The following SRPX variants were observed in gnomAD, a reference collection of about 807,000 sequenced individuals.
SRPX encodes sushi repeat-containing protein SRPX.
SRPX carries 24 observed loss-of-function variants against 38.1 expected under a neutral mutation model. The observed-to-expected ratio is 0.63, with a 90% CI of 0.46 to 0.89. The LOEUF (loss-of-function observed/expected upper bound fraction) is 0.89, where lower values mean the gene tolerates loss of function less well. SRPX is among the 40% of genes least tolerant of loss of function. SRPX has a pLI of 0.00. For missense variants in SRPX, 416 were observed against 377.8 expected, an observed-to-expected ratio of 1.10 and a Z score of -0.84; for synonymous variants, 184 against 153.8, an observed-to-expected ratio of 1.20 and a Z score of -1.45.
At position 38,190,976 on chromosome X, in the gene SRPX, T is replaced by C. The variant is rs189348050; in HGVS notation, c.98-12632A>G. ...GGTAAAATGAGGAAGATGTGAGCCC[T>C]GAAGCTGCCAACGACAAAGATTAAA... On this transcript the variant is annotated intron_variant, in intron 1 of 9. Transcript: ENST00000378533. 2.3e-3 allele frequency among the ~76,000 whole-genome samples: 255 copies of C among 111,673 alleles called. 3 individuals are homozygous for C. Among genetic ancestry groups the C allele is most frequent in the African/African-American group, 8.0e-3 (245 of 30,738 alleles).
At chrX:38,154,312 G>C in intron 9 of SRPX, 150 bp downstream of exon 9, 3 of 639,537 alleles carry the variant, frequency 4.7e-6, no homozygotes, top group Non-Finnish European at 6.9e-6. Context: ...GCAACATACT[G>C]ATTAGTATGG....
intron 9 of SRPX, among the ~76,000 whole-genome samples, chrX:38,153,561 G>T (rs1294113921): frequency 1.8e-5 from 2 of 110,892 alleles, no homozygotes; most frequent in Non-Finnish European, 3.8e-5. Flanking sequence ...CTTCTTTCTG[G>T]CAATACAGAA....
intron 1 of SRPX, among the ~76,000 whole-genome samples, chrX:38,212,965 T>A (rs767880701): frequency 5.3e-5 from 6 of 112,191 alleles, no homozygotes; most frequent in Admixed American, 2.8e-4. Context: ...GGGGCCTCTT[T>A]TTCTAATTCA....
Position 38,178,149 on chromosome X carries a change from AT to A in SRPX, c.157+135del, listed in dbSNP as rs1012330916. ...TTTAAAAAAGGGAGTATATATATAT[AT>A]TTTTTTTTCCTTGATAGATAATTAG... On this transcript the variant is annotated intron_variant, in intron 2 of 9. Transcript: ENST00000378533. 6.0e-4 allele frequency: 220 copies of A among 368,807 alleles called. 1 individual carries two copies. Among genetic ancestry groups the A allele is most frequent in the South Asian group, 2.0e-3 (23 of 11,681 alleles). The allele number at this position is 368,807 out of a possible 1,213,427, so 30.4% of individuals were successfully genotyped here.
intron 1 of SRPX, among the ~76,000 whole-genome samples, chrX:38,186,189 C>T (rs769511783): frequency 9.0e-6 from 1 of 111,651 alleles, no homozygotes; most frequent in South Asian, 3.8e-4. Context: ...TCACTCATTC[C>T]GGGTCAAGTT....
chrX:38,205,932 G>A (rs1380627860), intron 1 of SRPX, among the ~76,000 whole-genome samples: 1 of 112,338 alleles, frequency 8.9e-6, no homozygotes, highest in African/African-American at 3.2e-5. Context: ...AGTGGCCACC[G>A]ACAATTCCTC....
At position 38,160,083 on chromosome X, in the gene SRPX, G is replaced by T; in HGVS notation, c.889C>A (p.Gln297Lys). Residue 297 changes from glutamine (Q) to lysine (K), a missense_variant, in exon 7 of 10, where the codon CAG becomes AAG. Physicochemically the swap from Gln to Lys is moderately conservative, Grantham distance 53. Coordinates refer to ENST00000378533, the MANE Select transcript of SRPX (RefSeq NM_006307.5). The stretch of plus-strand genomic sequence containing the variant: ...TGACATACTCGGGCAGGGCTACCCT[G>T]GAGCTCATAGCCGCCGATGCAGGAG... The part of the protein sequence containing the change: ...EFSCIGGYEL[Q>K]GSPARVCQSN... 1 of 1,211,503 alleles carries T rather than the reference G, an allele frequency of 8.3e-7. No individual in the cohort carries two copies. The highest frequency in any genetic ancestry group is 1.7e-5 in the African/African-American group (1 of 57,885).
At chrX:38,185,898 A>AG (rs1338968723) in intron 1 of SRPX, among the ~76,000 whole-genome samples, 134 of 81,985 alleles carry the variant, frequency 1.6e-3, no homozygotes, top group East Asian at 7.1e-3. Flanking sequence ...AAAAAAAAAA[A>AG]GGGGGGGGGG....
intron 1 of SRPX, among the ~76,000 whole-genome samples, chrX:38,206,164 G>A (rs1423161462): frequency 8.9e-6 from 1 of 112,546 alleles, no homozygotes; most frequent in African/African-American, 3.2e-5. Flanking sequence ...AGGCAACACG[G>A]GGAGATGGAA....
chrX:38,189,196 G>A (rs1035027753), intron 1 of SRPX, among the ~76,000 whole-genome samples: 3 of 111,654 alleles, frequency 2.7e-5, no homozygotes. Context: ...TCTGTAAAAT[G>A]GGACACCAGA....
intron 7 of SRPX, among the ~76,000 whole-genome samples, chrX:38,158,841 G>T (rs1199311279): frequency 9.1e-6 from 1 of 110,318 alleles, no homozygotes; most frequent in East Asian, 2.8e-4. Flanking sequence ...TTAGCCAGGC[G>T]TGGTGGCAGG....
chrX:38,180,865 C>T (rs769059233), intron 1 of SRPX, among the ~76,000 whole-genome samples: 1 of 112,004 alleles, frequency 8.9e-6, no homozygotes, highest in African/African-American at 3.2e-5. Context: ...AAGAAAGAAG[C>T]ATAACCCCCA....
chrX:38,163,242 G>A (rs945891270), intron 5 of SRPX, among the ~76,000 whole-genome samples: 2 of 112,269 alleles, frequency 1.8e-5, no homozygotes, highest in African/African-American at 3.2e-5. Context: ...GGCACTGGGG[G>A]AAGATTATTG....
intron 1 of SRPX, among the ~76,000 whole-genome samples, chrX:38,199,274 C>T (rs969624042): frequency 1.9e-4 from 21 of 111,576 alleles, no homozygotes; most frequent in South Asian, 7.6e-4. Context: ...GGCGTGGTGG[C>T]GGGCGCCTGT....
At chrX:38,161,759 G>A (rs1018388973) in intron 5 of SRPX, among the ~76,000 whole-genome samples, 1 of 111,747 alleles carries the variant, frequency 8.9e-6, no homozygotes, top group African/African-American at 3.3e-5. Context: ...GGCACAAAAA[G>A]GCTAAAGAAC....
intron 2 of SRPX, among the ~76,000 whole-genome samples, chrX:38,176,724 C>T (rs1334732298): frequency 9.0e-6 from 1 of 111,596 alleles, no homozygotes; most frequent in Admixed American, 9.5e-5. Context: ...ACCTGGGAGG[C>T]GGATGTTACA....
intron 1 of SRPX, among the ~76,000 whole-genome samples, chrX:38,183,192 T>C (rs748636701): frequency 1.2e-3 from 132 of 110,223 alleles, no homozygotes; most frequent in African/African-American, 4.0e-3. Flanking sequence ...TAGCTGGGAT[T>C]ACAAGCATGC....
chrX:38,158,979 C>A (rs1490270592), intron 7 of SRPX, among the ~76,000 whole-genome samples: 1 of 109,911 alleles, frequency 9.1e-6, no homozygotes, highest in East Asian at 2.8e-4. Flanking sequence ...GACTACATCT[C>A]AAACAAACAA....
At position 38,160,008 on chromosome X, in the gene SRPX, C is replaced by T. The variant is rs1938211072; in HGVS notation, c.955+9G>A. On this transcript the variant is annotated intron_variant, in intron 7 of 9. Transcript: ENST00000378533. Reference sequence around the variant, plus strand: ...GTTCTGCTGCAGGCTGGAGGGGCGGCATACCTACCTGCACAGGTGGGCTCC... The same window carrying T: ...GTTCTGCTGCAGGCTGGAGGGGCGGTATACCTACCTGCACAGGTGGGCTCC... The T allele has an allele frequency of 8.3e-7, 1 of 1,206,210 alleles. No homozygotes were observed. Among genetic ancestry groups the T allele is most frequent in the African/African-American group, 1.7e-5 (1 of 57,830 alleles).
Sources: allele counts gnomAD v4.1 joint callset (sites outside exome capture counted in the v4.1 genomes callset), GRCh38; gene constraint gnomAD v4.1.1; transcripts MANE v1.5; gene names NCBI Gene and HGNC (gene_info 2026-07-23, HGNC 2026-07-21).